GNPTAB: variants seen among roughly 807,000 people sequenced by gnomAD.
The protein encoded by GNPTAB is N-acetylglucosamine-1-phosphate transferase subunits alpha and beta.
In GNPTAB, 92 loss-of-function variants were observed where a neutral mutation model predicts 136.6. The observed-to-expected ratio is 0.67, with a 90% CI of 0.57 to 0.80. The LOEUF (loss-of-function observed/expected upper bound fraction) is 0.80, where lower values mean the gene tolerates loss of function less well. Among genes scored for constraint, GNPTAB ranks in the 30% least tolerant of loss-of-function variants. The pLI, the probability that GNPTAB is intolerant of heterozygous loss-of-function variation, is 0.00. For missense variants in GNPTAB, 1,343 were observed against 1,501.8 expected (o/e 0.89, Z 1.75); for synonymous variants, 512 against 535.1 (o/e 0.96, Z 0.60).
At chr12:101,780,372 T>TTA in intron 6 of GNPTAB, 86 bp from the exon 7 acceptor site, 1 of 1,393,942 alleles carries the variant, frequency 7.2e-7, no homozygotes, top group Non-Finnish European at 1.0e-6. Flanking sequence ...AAAGATCTAT[T>TTA]GCATCACAAC....
At chr12:101,824,214 T>A (rs980762635) in intron 1 of GNPTAB, among the ~76,000 whole-genome samples, 1 of 151,786 alleles carries the variant, frequency 6.6e-6, no homozygotes, top group Non-Finnish European at 1.5e-5. Flanking sequence ...AGAAAAGCTA[T>A]CTTTCTGCTG....
intron 2 of GNPTAB, among the ~76,000 whole-genome samples, chr12:101,793,829 CTTATTTAT>C (rs574103129): frequency 5.3e-5 from 8 of 151,938 alleles, no homozygotes; most frequent in Non-Finnish European, 2.9e-5. Flanking sequence ...TTTTGTCTTA[CTTATTTAT>C]TTATTTATTT....
Position 101,747,232 on chromosome 12 carries a change from G to A in GNPTAB, c.3703C>T (p.Leu1235Phe). 1 of 1,569,464 alleles carries A rather than the reference G, an allele frequency of 6.4e-7. No homozygotes were observed. Among genetic ancestry groups the A allele is most frequent in the African/African-American group, 1.4e-5 (1 of 74,048 alleles). Residue 1235 changes from leucine (L) to phenylalanine (F), a missense_variant, in exon 21 of 21, where the codon CTT becomes TTT. Transcript: ENST00000299314. The stretch of plus-strand genomic sequence containing the variant: ...CTTCTGGGAAATATCTTCCGCTTAA[G>A]TGCAATTAACTAAATGATGAAAGAC... ...FSFFAEQLIA[L>F]KRKIFPRRRI...
intron 1 of GNPTAB, among the ~76,000 whole-genome samples, chr12:101,820,267 C>A (rs2137185001): frequency 6.6e-6 from 1 of 152,320 alleles, no homozygotes; most frequent in Middle Eastern, 3.4e-3. Flanking sequence ...TCTGCGAGAG[C>A]AAATGAACTT....
chr12:101,764,808 A>T lies in GNPTAB; in HGVS notation c.2109T>A (p.Leu703=), dbSNP rs1276628378. 6.2e-7 allele frequency: 1 copy of T among 1,614,180 alleles called. No homozygotes were observed. Among genetic ancestry groups the T allele is most frequent in the African/African-American group, 1.3e-5 (1 of 75,030 alleles). ...VKIPLVNISL[L]PKDAQLSLNT... Reference sequence around the variant, plus strand: ...TGAGACTCAACTGGGCGTCTTTTGGAAGGAGTGAAATATTTACCAGGGGAA... The same window carrying T: ...TGAGACTCAACTGGGCGTCTTTTGGTAGGAGTGAAATATTTACCAGGGGAA... Residue 703 remains leucine, a synonymous_variant, in exon 13 of 21, where the codon CTT becomes CTA. Transcript: ENST00000299314.
intron 19 of GNPTAB, among the ~76,000 whole-genome samples, chr12:101,752,064 G>T (rs897352780): frequency 6.7e-6 from 1 of 149,898 alleles, no homozygotes; most frequent in Non-Finnish European, 1.5e-5. Flanking sequence ...ACTTAAACAC[G>T]CAATATTGCT....
At chr12:101,817,932 C>T (rs1167333410) in intron 1 of GNPTAB, among the ~76,000 whole-genome samples, 1 of 152,192 alleles carries the variant, frequency 6.6e-6, no homozygotes, top group African/African-American at 2.4e-5. Flanking sequence ...CTGTTCTAAG[C>T]ACAGATTTTA....
chr12:101,809,850 C>T (rs778834687), intron 1 of GNPTAB, among the ~76,000 whole-genome samples: 11 of 152,128 alleles, frequency 7.2e-5, no homozygotes, highest in East Asian at 1.9e-4. Flanking sequence ...GGACATTATG[C>T]GTTTGTCAAA....
chr12:101,775,328 G>A (rs1953246626), intron 7 of GNPTAB, among the ~76,000 whole-genome samples: 1 of 151,682 alleles, frequency 6.6e-6, no homozygotes, highest in African/African-American at 2.4e-5. Context: ...GTGCCTTTAA[G>A]TGATTCAACA....
intron 2 of GNPTAB, chr12:101,796,272 C>G (rs1869278350): frequency 1.4e-6 from 1 of 702,472 alleles, no homozygotes; most frequent in Non-Finnish European, 2.6e-6. Flanking sequence ...CCTGGGGAGA[C>G]AGAAAATGCA....
intron 11 of GNPTAB, among the ~76,000 whole-genome samples, chr12:101,766,511 G>A (rs1180517891): frequency 2.0e-5 from 3 of 152,104 alleles, no homozygotes; most frequent in African/African-American, 4.8e-5. Context: ...GGTGGTGGGC[G>A]CCTGTAATCC....
intron 10 of GNPTAB, among the ~76,000 whole-genome samples, chr12:101,768,992 C>T (rs545544994): frequency 1.3e-5 from 2 of 152,316 alleles, no homozygotes; most frequent in South Asian, 4.1e-4. Flanking sequence ...TTGAGCCCTA[C>T]AGTCTGATAC....
chr12:101,779,164 T>C (rs1230281062), intron 7 of GNPTAB: 3 of 152,140 alleles, frequency 2.0e-5, no homozygotes, highest in Non-Finnish European at 4.4e-5. Context: ...CTTCATCCTT[T>C]CACCCTCAAA....
intron 5 of GNPTAB, among the ~76,000 whole-genome samples, chr12:101,784,089 G>A (rs951790204): frequency 2.0e-5 from 3 of 152,144 alleles, no homozygotes; most frequent in Middle Eastern, 3.2e-3. Context: ...ATAAACTGGT[G>A]AGTGGTAAGT....
chr12:101,829,721 C>T (rs887722747), intron 1 of GNPTAB, among the ~76,000 whole-genome samples: 21 of 152,220 alleles, frequency 1.4e-4, no homozygotes, highest in Middle Eastern at 6.8e-3. Context: ...AGCTTTCTCA[C>T]CCTTATGGTA....
At chr12:101,795,148 G>A (rs971720558) in intron 2 of GNPTAB, among the ~76,000 whole-genome samples, 1 of 152,038 alleles carries the variant, frequency 6.6e-6, no homozygotes, top group African/African-American at 2.4e-5. Context: ...TCACAGTGGG[G>A]GCACCAGACC....
chr12:101,747,013 G>A lies in GNPTAB; in HGVS notation c.*151C>T, dbSNP rs993885800. ...TGGTTAAATAATTCCTGGTCAGTGG[G>A]CTATATTCATGCCACAAAACAGCAT... is the stretch of plus-strand genomic sequence containing the variant. On this transcript the variant is annotated 3_prime_UTR_variant, in exon 21 of 21. Coordinates refer to ENST00000299314, the MANE Select transcript of GNPTAB (RefSeq NM_024312.5). 1.2e-5 allele frequency: 8 copies of A among 669,946 alleles called. No homozygotes were observed. Among genetic ancestry groups the A allele is most frequent in the Admixed American group, 1.1e-4 (5 of 47,418 alleles). 41.5% of individuals were successfully genotyped at this position (669,946 alleles called of 1,614,324 possible).
At chr12:101,758,447 C>T (rs2052829) in intron 16 of GNPTAB, among the ~76,000 whole-genome samples, 94,046 of 152,096 alleles carry the variant, frequency 0.62, 30,009 homozygotes, top group East Asian at 0.9. Context: ...AGTGTTGAGA[C>T]TATAGGCACG....
chr12:101,767,328 A>G (rs1217546355), intron 11 of GNPTAB, among the ~76,000 whole-genome samples: 1 of 152,208 alleles, frequency 6.6e-6, no homozygotes, highest in African/African-American at 2.4e-5. Flanking sequence ...TCAAAATATA[A>G]CTATGTGAGG....
Sources: gnomAD v4.1 joint callset for allele counts (sites outside exome capture counted in the v4.1 genomes callset) on GRCh38, gnomAD v4.1.1 for gene constraint, MANE v1.5 for transcripts, NCBI Gene and HGNC (gene_info 2026-07-23, HGNC 2026-07-21) for gene names.